SPATA13: variants seen among roughly 807,000 people sequenced by gnomAD.
The protein encoded by SPATA13 is spermatogenesis associated 13, also known as spermatogenesis-associated protein 13.
A neutral mutation model predicts 104.0 loss-of-function variants in SPATA13; 50 were observed. The ratio of observed to expected loss-of-function variants is 0.48; its 90% CI spans 0.38 to 0.61. The LOEUF (loss-of-function observed/expected upper bound fraction) is 0.61. Among genes scored for constraint, SPATA13 ranks in the 20% least tolerant of loss-of-function variants. SPATA13 has a pLI of 0.00. For synonymous variants in SPATA13, 606 were observed against 667.5 expected (o/e 0.91, Z 1.42); for missense variants, 1,524 against 1,690.6 (o/e 0.90, Z 1.73).
intron 1 of SPATA13, among the ~76,000 whole-genome samples, chr13:24,189,144 G>A (rs12585790): frequency 0.42 from 64,182 of 152,000 alleles, 16,141 homozygotes; most frequent in Non-Finnish European, 0.56. Context: ...ATGGATCAAG[G>A]AGTAATTTTG....
chr13:24,137,022 G>A (rs1881595660), intron 3 of SPATA13, among the ~76,000 whole-genome samples: 1 of 66,432 alleles, frequency 1.5e-5, no homozygotes. Flanking sequence ...AGTAGAGACG[G>A]GGTTTCACCG....
intron 1 of SPATA13, among the ~76,000 whole-genome samples, chr13:24,214,860 T>C (rs966635215): frequency 1.3e-5 from 2 of 152,254 alleles, no homozygotes; most frequent in Admixed American, 6.5e-5. Flanking sequence ...TTCTTTAGTT[T>C]TCCTAGCAAC....
Position 24,290,763 on chromosome 13 carries a change from C to T in SPATA13, c.2959C>T (p.Arg987Cys), listed in dbSNP as rs1348033947. The T allele has an allele frequency of 1.9e-6, 3 of 1,614,180 alleles. No homozygotes were observed. Among genetic ancestry groups the T allele is most frequent in the South Asian group, 1.1e-5 (1 of 91,076 alleles). The stretch of plus-strand genomic sequence containing the variant: ...GTACAGACATTTCTTTGAAGCCTGC[C>T]GCCTGCTGCAGCAGATGATTGACAT... ...GKYRHFFEACRLLQQMIDIAI... is the reference protein window; with the variant it reads ...GKYRHFFEACCLLQQMIDIAI... The change falls in exon 9 of 13, where the codon CGC becomes TGC. Residue 987 changes from arginine (R) to cysteine (C), a missense_variant. By Grantham distance (180) the Arg-to-Cys change is radical. Around this residue, in one of 2 missense-constraint regions of SPATA13, gnomAD observed 435 missense variants for 554.8 expected, o/e 0.78. Coordinates refer to ENST00000382108, the MANE Select transcript of SPATA13 (RefSeq NM_001166271.3).
intron 2 of SPATA13, among the ~76,000 whole-genome samples, chr13:23,995,068 A>G (rs1339529931): frequency 1.3e-5 from 2 of 152,244 alleles, no homozygotes; most frequent in Middle Eastern, 3.4e-3. Flanking sequence ...GCAGCTAAAC[A>G]TCTCACCATA....
chr13:24,106,143 C>G (rs536417784), intron 3 of SPATA13, among the ~76,000 whole-genome samples: 1 of 152,194 alleles, frequency 6.6e-6, no homozygotes, highest in African/African-American at 2.4e-5. Flanking sequence ...TTGCAACCCT[C>G]CTGCCCCAGC....
intron 3 of SPATA13, among the ~76,000 whole-genome samples, chr13:24,111,887 C>T (rs1488231308): frequency 2.0e-5 from 3 of 152,190 alleles, no homozygotes; most frequent in Non-Finnish European, 4.4e-5. Flanking sequence ...CTCATAATCT[C>T]CCCATTTATG....
chr13:24,186,036 G>A (rs982356338), intron 1 of SPATA13, among the ~76,000 whole-genome samples: 6 of 152,140 alleles, frequency 3.9e-5, no homozygotes, highest in East Asian at 1.9e-4. Flanking sequence ...CACATCATCT[G>A]CCTCACTCAA....
chr13:24,218,681 G>A (rs1214389400), intron 1 of SPATA13, among the ~76,000 whole-genome samples: 1 of 151,180 alleles, frequency 6.6e-6, no homozygotes, highest in Admixed American at 6.6e-5. Context: ...ACACAAATTC[G>A]TAAACTTTGG....
chr13:24,052,866 AT>A (rs370539930), intron 3 of SPATA13, among the ~76,000 whole-genome samples: 560 of 8,092 alleles, frequency 0.069, 22 homozygotes, highest in East Asian at 0.45. Flanking sequence ...CCACCACATT[AT>A]TTATACTACA....
chr13:24,183,308 T>C (rs973285939), intron 1 of SPATA13, among the ~76,000 whole-genome samples: 1 of 152,228 alleles, frequency 6.6e-6, no homozygotes, highest in Admixed American at 6.5e-5. Context: ...CATCATCCTT[T>C]ATCACTTCCC....
At chr13:24,219,732 T>C (rs1474573735) in intron 1 of SPATA13, among the ~76,000 whole-genome samples, 3 of 152,186 alleles carry the variant, frequency 2.0e-5, no homozygotes, top group African/African-American at 7.2e-5. Flanking sequence ...CAGGAAGGAA[T>C]TCCTGGGGAA....
At chr13:24,173,261 T>C (rs755256786) in intron 1 of SPATA13, among the ~76,000 whole-genome samples, 12 of 152,034 alleles carry the variant, frequency 7.9e-5, no homozygotes, top group Non-Finnish European at 1.6e-4. Context: ...GTATTTTTAG[T>C]AGAGATGGGG....
intron 3 of SPATA13, among the ~76,000 whole-genome samples, chr13:24,050,785 T>C (rs1216507213): frequency 6.6e-6 from 1 of 152,232 alleles, no homozygotes; most frequent in African/African-American, 2.4e-5. Flanking sequence ...CAGGACTTTA[T>C]GGCCAAGGTG....
chr13:24,233,801 A>C lies in SPATA13; in HGVS notation c.1653+9219A>C, dbSNP rs186657235. Among the ~76,000 whole-genome samples the C allele has an allele frequency of 5.2e-3, 787 of 152,226 alleles. 4 individuals are homozygous for C. The highest frequency in any genetic ancestry group is 8.1e-3 in the Non-Finnish European group (551 of 68,018). Reference sequence around the variant, plus strand: ...TACTTGTGAAGTTCTAGCCAGAGTGAGGACCCCCTGGGATGCAAGCCAAAG... The same window carrying C: ...TACTTGTGAAGTTCTAGCCAGAGTGCGGACCCCCTGGGATGCAAGCCAAAG... On this transcript the variant is annotated intron_variant, in intron 2 of 12. Transcript: ENST00000382108.
chr13:24,245,584 C>T (rs201555751), intron 2 of SPATA13, among the ~76,000 whole-genome samples: 276 of 88,596 alleles, frequency 3.1e-3, no homozygotes, highest in South Asian at 3.6e-3. Flanking sequence ...ACAGTTGTTT[C>T]TTTTTTTTTT....
At chr13:24,182,008 A>T (rs1868847875) in intron 1 of SPATA13, among the ~76,000 whole-genome samples, 1 of 152,200 alleles carries the variant, frequency 6.6e-6, no homozygotes, top group South Asian at 2.1e-4. Context: ...CCAGCACCTC[A>T]TATAGTGTCT....
rs566635972 is a variant in SPATA13, at chr13:24,286,958, G to A, written c.2667+8G>A. The stretch of plus-strand genomic sequence containing the variant: ...CTCAGGGACATCTGTGAGGTGGGAC[G>A]CCAGGCTGGGACCTCACTGAGGGTC... On this transcript the variant is annotated splice_region_variant and intron_variant, in intron 7 of 12. Transcript: ENST00000382108. The surrounding 1 kb of genome is among the most constrained non-coding windows in gnomAD (Gnocchi z 4.9). The A allele has an allele frequency of 9.9e-6, 16 of 1,610,788 alleles. No individual in the cohort carries two copies. Among genetic ancestry groups the A allele is most frequent in the Admixed American group, 3.3e-5 (2 of 59,942 alleles).
At chr13:24,160,445 T>G (rs189817953), upstream of SPATA13, among the ~76,000 whole-genome samples, 1 of 152,192 alleles carries the variant, frequency 6.6e-6, no homozygotes, top group Non-Finnish European at 1.5e-5. Context: ...GGTTTCACCA[T>G]GTTGGCCAAG....
chr13:24,168,002 A>G (rs1882818586), intron 1 of SPATA13, among the ~76,000 whole-genome samples: 1 of 152,142 alleles, frequency 6.6e-6, no homozygotes. Context: ...TTAATTTATA[A>G]TGGTAGCCTT....
Sources: gnomAD v4.1 joint callset for allele counts (sites outside exome capture counted in the v4.1 genomes callset) on GRCh38, gnomAD v4.1.1 for gene constraint, gnomAD v4.1.1 regional missense constraint, Gnocchi (gnomAD v3.1) non-coding constraint, MANE v1.5 for transcripts, NCBI Gene and HGNC (gene_info 2026-07-23, HGNC 2026-07-21) for gene names.